KIF13A: variants seen among roughly 807,000 people sequenced by gnomAD.
KIF13A encodes the protein kinesin-like protein KIF13A.
A neutral mutation model predicts 212.2 loss-of-function variants in KIF13A; 79 were observed. The ratio of observed to expected loss-of-function variants is 0.37; its 90% confidence interval spans 0.31 to 0.45. KIF13A has a LOEUF of 0.45. Ranked by LOEUF, KIF13A falls within the 20% of genes least tolerant of loss-of-function variation. The probability of loss-of-function intolerance (pLI) is 1.00; values close to 1 mark genes in which losing one functional copy is unlikely to be tolerated. For missense variants in KIF13A, 1,901 were observed against 2,209.0 expected (o/e 0.86, Z 2.79); for synonymous variants, 789 against 808.6 (o/e 0.98, Z 0.41).
intron 16 of KIF13A, among the ~76,000 whole-genome samples, chr6:17,819,001 T>C (rs1190859922): frequency 1.0e-5 from 1 of 99,882 alleles, no homozygotes; most frequent in African/African-American, 3.1e-5. Context: ...TATATCACTT[T>C]TTTTTTTTTT....
At chr6:17,822,469 G>A (rs1764544935) in intron 16 of KIF13A, among the ~76,000 whole-genome samples, 1 of 152,170 alleles carries the variant, frequency 6.6e-6, no homozygotes, top group African/African-American at 2.4e-5. Flanking sequence ...TTGGCTGAGA[G>A]GATCAGAGGA....
intron 2 of KIF13A, among the ~76,000 whole-genome samples, chr6:17,985,632 C>CCGGGGGG (rs112580662): frequency 1.5e-3 from 58 of 38,164 alleles, no homozygotes; most frequent in Middle Eastern, 0.016. Context: ...ATGCAGTTTG[C>CCGGGGGG]GGGGGGGTGG....
intron 2 of KIF13A, among the ~76,000 whole-genome samples, chr6:17,935,938 T>C (rs1776420581): frequency 6.6e-6 from 1 of 152,218 alleles, no homozygotes; most frequent in Non-Finnish European, 1.5e-5. Context: ...ATAGCTCCTT[T>C]CATCTTATGC....
rs543313231 is a variant in KIF13A, at chr6:17,855,177, T to C, written c.494+260A>G. Reference sequence around the variant, plus strand: ...TTATTCCTAACTCAATTTTTGTGAATAGTTCATGGTGGCAAAAAAAAATAC... The same window carrying C: ...TTATTCCTAACTCAATTTTTGTGAACAGTTCATGGTGGCAAAAAAAAATAC... On this transcript the variant is annotated intron_variant, in intron 6 of 38. Transcript: ENST00000259711. The surrounding 1 kb of genome is among the most constrained non-coding windows in gnomAD (Gnocchi z 4.1). Among the ~76,000 whole-genome samples, 2 of 152,172 alleles carry C rather than the reference T, an allele frequency of 1.3e-5. No homozygotes were observed. Among genetic ancestry groups the C allele is most frequent in the South Asian group, 2.1e-4 (1 of 4,810 alleles).
intron 9 of KIF13A, among the ~76,000 whole-genome samples, chr6:17,840,431 AAT>A (rs1209678804): frequency 3.9e-5 from 6 of 152,210 alleles, no homozygotes; most frequent in African/African-American, 1.4e-4. Context: ...GATTGGAAAC[AAT>A]TCTTTGAACT....
chr6:17,944,257 G>A (rs868055422), intron 2 of KIF13A, among the ~76,000 whole-genome samples: 1 of 152,106 alleles, frequency 6.6e-6, no homozygotes. Flanking sequence ...TGTTTTCTGA[G>A]GAGTTCCAGT....
chr6:17,782,049 G>A (rs1402365299), intron 29 of KIF13A, among the ~76,000 whole-genome samples: 1 of 152,026 alleles, frequency 6.6e-6, no homozygotes, highest in Non-Finnish European at 1.5e-5. Flanking sequence ...CGGTTTTCCT[G>A]CCTCAACCTC....
Position 17,984,553 on chromosome 6 carries a change from A to T in KIF13A, c.146+2501T>A. ...ACACAGTCTTGGCTTTGGTTTTGTA[A>T]AATGGGGAAACAATGAAAGCTGACC... On this transcript the variant is annotated intron_variant, in intron 2 of 38. Coordinates refer to ENST00000259711, the MANE Select transcript of KIF13A (RefSeq NM_022113.6). This position sits in a 1 kb window ranked among gnomAD's most constrained non-coding sequence, Gnocchi z 5.0. The T allele has an allele frequency of 1.0e-6, 1 of 985,288 alleles. No individual in the cohort carries two copies. The highest frequency in any genetic ancestry group is 1.2e-6 in the Non-Finnish European group (1 of 829,808). The allele number at this position is 985,288 out of a possible 1,614,324, so 61.0% of individuals were successfully genotyped here.
Position 17,872,684 on chromosome 6 carries a change from C to T in KIF13A, c.220+693G>A, listed in dbSNP as rs1300317789. ...TTTGAGACAGAGTCTCACTCGGTCACCTAGGCTGTGGTGGGACCTCGGCTC... is the reference window on the plus strand; with the variant it reads ...TTTGAGACAGAGTCTCACTCGGTCATCTAGGCTGTGGTGGGACCTCGGCTC... On this transcript the variant is annotated intron_variant, in intron 4 of 38. Transcript: ENST00000259711. This position sits in a 1 kb window ranked among gnomAD's most constrained non-coding sequence, Gnocchi z 4.7. Among the ~76,000 whole-genome samples, 1 of 152,070 alleles carries T rather than the reference C, an allele frequency of 6.6e-6. No individual in the cohort carries two copies. Among genetic ancestry groups the T allele is most frequent in the Non-Finnish European group, 1.5e-5 (1 of 68,012 alleles).
rs1344358677 is a variant in KIF13A, at chr6:17,849,427, A to G, written c.780T>C (p.Ser260=). Residue 260 remains serine, a synonymous_variant, in exon 9 of 39, where the codon TCT becomes TCC. Coordinates refer to ENST00000259711, the MANE Select transcript of KIF13A (RefSeq NM_022113.6). This position sits in a 1 kb window ranked among gnomAD's most constrained non-coding sequence, Gnocchi z 5.7. The part of the protein sequence containing the change: ...LVDLAGSERV[S]KTGAAGERLK... ...GTCGCTCTCCTGCAGCTCCTGTTTT[A>G]GATACTCTTTCGCTACCCGCCAGGT... The G allele has an allele frequency of 1.7e-5, 28 of 1,613,686 alleles. No homozygotes were observed. The highest frequency in any genetic ancestry group is 2.4e-5 in the Non-Finnish European group (28 of 1,179,798).
chr6:17,762,530 G>C (rs1334180007), downstream of KIF13A, among the ~76,000 whole-genome samples: 2 of 152,064 alleles, frequency 1.3e-5, no homozygotes, highest in Admixed American at 6.6e-5. Flanking sequence ...GAATTTTTAA[G>C]AGGCCTGCCA....
chr6:17,842,000 C>CGT (rs56396263), intron 9 of KIF13A, among the ~76,000 whole-genome samples: 4,487 of 143,734 alleles, frequency 0.031, 104 homozygotes, highest in East Asian at 0.14. Flanking sequence ...TATACACATA[C>CGT]GTGTGTGTGT....
rs1764027781 is a variant in KIF13A at position 17,817,220 on chromosome 6, A to C, written c.1800T>G (p.Asn600Lys). Residue 600 changes from asparagine (N) to lysine (K), a missense_variant, in exon 17 of 39, where the codon AAT becomes AAG. This residue lies in a region of KIF13A where 534 missense variants were observed against 536.9 expected (regional missense o/e 0.99). Coordinates refer to ENST00000259711, the MANE Select transcript of KIF13A (RefSeq NM_022113.6). ...ATTGTTTCTCCAGGACCTGAACCAC[A>C]TTTTGAACTGGGTCTAGTGAGCCAA... is the stretch of plus-strand genomic sequence containing the variant. ...KTLNSNDPVQ[N>K]VVQVLEKQYL... is the part of the protein sequence containing the mutation. The C allele has an allele frequency of 1.2e-6, 2 of 1,613,938 alleles. No homozygotes were observed. The highest frequency in any genetic ancestry group is 1.3e-5 in the African/African-American group (1 of 75,022).
At chr6:17,868,355 C>T (rs555077828) in intron 4 of KIF13A, among the ~76,000 whole-genome samples, 2 of 152,166 alleles carry the variant, frequency 1.3e-5, no homozygotes, top group Non-Finnish European at 2.9e-5. Context: ...GTCAAGAATG[C>T]TTTAATTGCA....
chr6:17,811,873 T>C lies in KIF13A; in HGVS notation c.2001-2943A>G, dbSNP rs531444092. ...TCTCTCTCTCTCTTTTTCTTGGAGA[T>C]AGGGTCTCCCTGTGTTGCCCAGGCT... On this transcript the variant is annotated intron_variant, in intron 17 of 38. Coordinates refer to ENST00000259711, the MANE Select transcript of KIF13A (RefSeq NM_022113.6). This position sits in a 1 kb window ranked among gnomAD's most constrained non-coding sequence, Gnocchi z 6.0. 4.1e-4 allele frequency among the ~76,000 whole-genome samples: 62 copies of C among 151,776 alleles called. No homozygotes were observed. The highest frequency in any genetic ancestry group is 8.7e-4 in the Non-Finnish European group (59 of 67,974).
intron 4 of KIF13A, among the ~76,000 whole-genome samples, chr6:17,860,107 A>G (rs889079109): frequency 6.6e-5 from 10 of 152,186 alleles, no homozygotes; most frequent in Admixed American, 1.3e-4. Context: ...TTCATGCTGC[A>G]TGACACTGGC....
Position 17,855,710 on chromosome 6 carries a change from G to C in KIF13A, c.314-93C>G. 1 of 1,030,794 alleles carries C rather than the reference G, an allele frequency of 9.7e-7. No homozygotes were observed. Among genetic ancestry groups the C allele is most frequent in the Non-Finnish European group, 1.4e-6 (1 of 715,470 alleles). The allele number at this position is 1,030,794 out of a possible 1,614,324, so 63.9% of individuals were successfully genotyped here. On this transcript the variant is annotated intron_variant, in intron 5 of 38. Transcript: ENST00000259711. This position sits in a 1 kb window ranked among gnomAD's most constrained non-coding sequence, Gnocchi z 4.1. ...AAGGTTTCCCCATATACTGGCCATG[G>C]TAACATAGCAGAAGAGTGGCCAACT...
At chr6:17,955,828 A>G (rs1226207967) in intron 2 of KIF13A, among the ~76,000 whole-genome samples, 1 of 152,210 alleles carries the variant, frequency 6.6e-6, no homozygotes, top group Non-Finnish European at 1.5e-5. Context: ...CAGGTAATTC[A>G]TGCCAATTTG....
intron 2 of KIF13A, among the ~76,000 whole-genome samples, chr6:17,929,081 A>AC (rs1393631702): frequency 6.6e-6 from 1 of 151,686 alleles, no homozygotes; most frequent in African/African-American, 2.4e-5. Flanking sequence ...AAAAAAAAAA[A>AC]AACAAAGGAG....
Sources: allele counts gnomAD v4.1 joint callset (sites outside exome capture counted in the v4.1 genomes callset), GRCh38; gene constraint gnomAD v4.1.1; regional missense constraint gnomAD v4.1.1; non-coding constraint Gnocchi (gnomAD v3.1); transcripts MANE v1.5; gene names NCBI Gene and HGNC (gene_info 2026-07-23, HGNC 2026-07-21).